ITGB1: variants seen among roughly 807,000 people sequenced by gnomAD.
The protein encoded by ITGB1 is integrin beta-1.
In ITGB1, 24 loss-of-function variants were observed where a neutral mutation model predicts 86.5. The ratio of observed to expected loss-of-function variants is 0.28; its 90% confidence interval spans 0.20 to 0.39. The LOEUF is 0.39. ITGB1 is among the 10% of genes least tolerant of loss of function. ITGB1 has a pLI of 1.00. For missense variants in ITGB1, 556 were observed against 946.9 expected (o/e 0.59, Z 5.42); for synonymous variants, 323 against 316.8 (o/e 1.02, Z -0.21).
chr10:32,922,540 G>C lies in ITGB1; in HGVS notation c.1038+100C>G, dbSNP rs534475944. ...AAACCACTTTTGTAAAATTCGGTTT[G>C]CCTATCTGGTGGCATTTTCCCACAT... On this transcript the variant is annotated intron_variant, in intron 8 of 15. Transcript: ENST00000302278. The C allele has an allele frequency of 4.5e-5, 37 of 814,994 alleles. No individual in the cohort carries two copies. In the South Asian group the frequency reaches 6.3e-4, roughly 14 times the overall value. The allele number at this position is 814,994 out of a possible 1,614,324, so 50.5% of individuals were successfully genotyped here. A position where few individuals can be genotyped will look rare whatever the true frequency, so the allele number is the denominator to read the frequency against.
chr10:32,944,704 G>C (rs2095027203), intron 1 of ITGB1: 1 of 680,208 alleles, frequency 1.5e-6, no homozygotes, highest in African/African-American at 1.8e-5. Flanking sequence ...AAGCTTCTTA[G>C]ACAGACAAAG....
intron 11 of ITGB1, among the ~76,000 whole-genome samples, chr10:32,914,308 A>G (rs955100911): frequency 3.3e-5 from 5 of 152,360 alleles, no homozygotes; most frequent in African/African-American, 1.2e-4. Context: ...AAATTCACAC[A>G]TAACAATATT....
chr10:32,925,602 T>C (rs1363918351), intron 6 of ITGB1, among the ~76,000 whole-genome samples: 7 of 152,202 alleles, frequency 4.6e-5, no homozygotes, highest in East Asian at 3.9e-4. Context: ...TACAGAGAGG[T>C]TGCCCCGCTG....
intron 11 of ITGB1, among the ~76,000 whole-genome samples, chr10:32,913,291 CG>C (rs1481479305): frequency 7.2e-5 from 11 of 152,266 alleles, no homozygotes; most frequent in Admixed American, 7.2e-4. Flanking sequence ...TCACCAGCAA[CG>C]GAACAAAGCC....
At chr10:32,942,570 ACT>A (rs1399333354) in intron 1 of ITGB1, among the ~76,000 whole-genome samples, 1 of 151,882 alleles carries the variant, frequency 6.6e-6, no homozygotes, top group Non-Finnish European at 1.5e-5. Context: ...CATGCTCAAA[ACT>A]CTTTGCTGTT....
chr10:32,956,880 G>C (rs2095053399), intron 1 of ITGB1, among the ~76,000 whole-genome samples: 1 of 152,178 alleles, frequency 6.6e-6, no homozygotes, highest in Non-Finnish European at 1.5e-5. Flanking sequence ...CTACTCTCAA[G>C]CTAAGTTTTT....
rs1237707743 is a variant in ITGB1 at position 32,930,064 on chromosome 10, T to C, written c.154-20A>G. On this transcript the variant is annotated intron_variant, in intron 3 of 15. Transcript: ENST00000302278. Reference sequence around the variant, plus strand: ...AAATGTCTAAATGACATATAAAATATAGGTATAAATGAAAATTGTAATGGT... The same window carrying C: ...AAATGTCTAAATGACATATAAAATACAGGTATAAATGAAAATTGTAATGGT... 1 of 851,458 alleles carries C rather than the reference T, an allele frequency of 1.2e-6. No individual in the cohort carries two copies. Among genetic ancestry groups the C allele is most frequent in the Non-Finnish European group, 2.0e-6 (1 of 494,732 alleles). The allele number at this position is 851,458 out of a possible 1,614,324, so 52.7% of individuals were successfully genotyped here.
intron 7 of ITGB1, among the ~76,000 whole-genome samples, 183 bp from the exon 8 acceptor site, chr10:32,922,918 T>C (rs763514218): frequency 5.9e-5 from 9 of 152,172 alleles, no homozygotes; most frequent in Non-Finnish European, 1.2e-4. Flanking sequence ...TATAACTAGA[T>C]TACAAGACTG....
intron 13 of ITGB1, among the ~76,000 whole-genome samples, chr10:32,910,757 T>A (rs181260230): frequency 7.5e-6 from 1 of 133,666 alleles, no homozygotes; most frequent in East Asian, 1.9e-4. Context: ...ATCATAATAA[T>A]TTTTTTTTTG....
chr10:32,941,508 GA>G (rs2095018157), intron 1 of ITGB1, among the ~76,000 whole-genome samples: 1 of 152,150 alleles, frequency 6.6e-6, no homozygotes, highest in African/African-American at 2.4e-5. Flanking sequence ...AAGCAAGCAG[GA>G]AGAGCTACGT....
At position 32,929,907 on chromosome 10, in the gene ITGB1, G is replaced by A. The variant is rs747321495; in HGVS notation, c.291C>T (p.Asn97=). ...KDIKKNKNVT[N]RSKGTAEKLK... ...GCTTCTCTGCTGTTCCTTTGCTACG[G>A]TTGGTTACATTTTTATTTTTCTTTA... The change falls in exon 4 of 16, where the codon AAC becomes AAT. Residue 97 remains asparagine (N), a synonymous_variant. Transcript: ENST00000302278. 6.2e-7 allele frequency: 1 copy of A among 1,611,210 alleles called. No individual in the cohort carries two copies. The highest frequency in any genetic ancestry group is 2.2e-5 in the East Asian group (1 of 44,866).
intron 11 of ITGB1, among the ~76,000 whole-genome samples, chr10:32,916,758 C>T (rs1241838187): frequency 6.6e-6 from 1 of 152,116 alleles, no homozygotes; most frequent in African/African-American, 2.4e-5. Context: ...TGAAAATGGC[C>T]ATACTGCCCA....
intron 6 of ITGB1, 118 bp downstream of exon 6, chr10:32,925,753 A>G: frequency 1.4e-6 from 1 of 718,084 alleles, no homozygotes; most frequent in Non-Finnish European, 2.4e-6. Context: ...TTACTTCTCT[A>G]AGATAATCAA....
chr10:32,906,746 T>C (rs1265682594), intron 15 of ITGB1, among the ~76,000 whole-genome samples: 3 of 152,170 alleles, frequency 2.0e-5, no homozygotes, highest in Admixed American at 6.5e-5. Flanking sequence ...GAGTACTGAC[T>C]CCCTGTGACA....
intron 1 of ITGB1, among the ~76,000 whole-genome samples, chr10:32,939,315 C>G (rs1413270301): frequency 1.3e-5 from 2 of 152,198 alleles, no homozygotes; most frequent in East Asian, 1.9e-4. Context: ...GACCTAGAAA[C>G]AGTTGTCTAC....
chr10:32,942,121 G>A lies in ITGB1; in HGVS notation c.1-6563C>T, dbSNP rs543046884. Among the ~76,000 whole-genome samples the A allele has an allele frequency of 1.6e-4, 25 of 152,250 alleles. 1 individual carries two copies. In the South Asian group the frequency reaches 5.0e-3, roughly 30 times the overall value. ...CAAACTTGAAGAGGTGAAGACACAG[G>A]AAAAGAGAAAAGGAAAGTGATGAAG... On this transcript the variant is annotated intron_variant, in intron 1 of 15. Coordinates refer to ENST00000302278, the MANE Select transcript of ITGB1 (RefSeq NM_002211.4).
chr10:32,929,815 T>C lies in ITGB1; in HGVS notation c.376+7A>G. The C allele has an allele frequency of 3.9e-6, 6 of 1,542,856 alleles. No homozygotes were observed. The highest frequency in any genetic ancestry group is 5.4e-6 in the Non-Finnish European group (6 of 1,115,104). ...ACGCAGGTATTCACAGAGTTGGGCTTCCATACCTGATCTTAATCGCAAAAC... is the reference window on the plus strand; with the variant it reads ...ACGCAGGTATTCACAGAGTTGGGCTCCCATACCTGATCTTAATCGCAAAAC... On this transcript the variant is annotated splice_region_variant and intron_variant, in intron 4 of 15. Coordinates refer to ENST00000302278, the MANE Select transcript of ITGB1 (RefSeq NM_002211.4).
chr10:32,907,197 T>C, intron 15 of ITGB1: 1 of 757,048 alleles, frequency 1.3e-6, no homozygotes, highest in Admixed American at 2.3e-5. Context: ...AAAATCCCTT[T>C]ATAGTGTTTG....
At chr10:32,920,207 A>G in intron 10 of ITGB1, 38 bp downstream of exon 10, 1 of 1,594,930 alleles carries the variant, frequency 6.3e-7, no homozygotes, top group Non-Finnish European at 8.6e-7. Context: ...CTTATAAATA[A>G]CCAATGTTTT....
Sources: gnomAD v4.1 joint callset for allele counts (sites outside exome capture counted in the v4.1 genomes callset) on GRCh38, gnomAD v4.1.1 for gene constraint, MANE v1.5 for transcripts, NCBI Gene and HGNC (gene_info 2026-07-23, HGNC 2026-07-21) for gene names.